Variants in MOBP observed in about 807,000 individuals in gnomAD.
MOBP encodes myelin associated oligodendrocyte basic protein, also known as myelin-associated oligodendrocyte basic protein.
In MOBP, 5 loss-of-function variants were observed where a neutral mutation model predicts 15.0. That is an observed-to-expected ratio of 0.33 (90% CI 0.17 to 0.70). The LOEUF is 0.70. Ranked by LOEUF, MOBP falls within the 30% of genes least tolerant of loss-of-function variation. MOBP has a pLI of 0.67. For missense variants in MOBP, 188 were observed against 257.8 expected, an observed-to-expected ratio of 0.73 and a Z score of 1.85; for synonymous variants, 88 against 99.0, an observed-to-expected ratio of 0.89 and a Z score of 0.66.
intron 1 of MOBP, among the ~76,000 whole-genome samples, chr3:39,470,959 A>G (rs565474039): frequency 7.9e-5 from 12 of 152,296 alleles, no homozygotes; most frequent in African/African-American, 2.6e-4. Flanking sequence ...AATAATTTTC[A>G]GTATACTGAG....
intron 4 of MOBP, among the ~76,000 whole-genome samples, chr3:39,509,071 C>T (rs1460452513): frequency 7.6e-6 from 1 of 131,494 alleles, no homozygotes; most frequent in East Asian, 2.2e-4. Flanking sequence ...CATACGTGCA[C>T]ATATGTGTGT....
downstream of MOBP, among the ~76,000 whole-genome samples, chr3:39,516,933 C>A (rs993904659): frequency 6.6e-6 from 1 of 152,158 alleles, no homozygotes; most frequent in Non-Finnish European, 1.5e-5. Flanking sequence ...TGCTCCCTGT[C>A]CATCTAGGCT....
At chr3:39,518,326 T>C (rs1191239640), downstream of MOBP, among the ~76,000 whole-genome samples, 1 of 152,070 alleles carries the variant, frequency 6.6e-6, no homozygotes, top group African/African-American at 2.4e-5. Context: ...GTTTCCTAAG[T>C]TTCTTCAGCA....
rs755537975 is a variant in MOBP at position 39,468,917 on chromosome 3, GTA to G, written c.-89+1184_-89+1185del. 4.4e-4 allele frequency among the ~76,000 whole-genome samples: 47 copies of G among 107,734 alleles called. 4 individuals carry two copies. Among genetic ancestry groups the G allele is most frequent in the Non-Finnish European group, 7.8e-4 (46 of 59,102 alleles). 70.7% of individuals were successfully genotyped at this position (107,734 alleles called of 152,430 possible). A position where few individuals can be genotyped will look rare whatever the true frequency, so the allele number is the denominator to read the frequency against. On this transcript the variant is annotated intron_variant, in intron 1 of 3. Transcript: ENST00000684792. The stretch of plus-strand genomic sequence containing the variant: ...TATATACATATATACATATGAGTGT[GTA>G]TATATACATATATACATTGTGTGTA...
chr3:39,481,469 C>G (rs2042627105), intron 2 of MOBP, among the ~76,000 whole-genome samples: 2 of 152,276 alleles, frequency 1.3e-5, no homozygotes, highest in African/African-American at 4.8e-5. Context: ...TAATTATTTC[C>G]TCTCTTTTTT....
intron 1 of MOBP, among the ~76,000 whole-genome samples, chr3:39,474,074 TTTTTTAGCTCTA>T (rs1452310495): frequency 1.3e-5 from 2 of 152,202 alleles, no homozygotes; most frequent in Non-Finnish European, 2.9e-5. Flanking sequence ...GCTAAATATG[TTTTTTAGCTCTA>T]TTTTTAGCTC....
downstream of MOBP, among the ~76,000 whole-genome samples, chr3:39,505,048 A>G (rs1170985129): frequency 1.3e-5 from 2 of 152,234 alleles, no homozygotes; most frequent in Non-Finnish European, 2.9e-5. Context: ...ACATGGTAGC[A>G]TTCATAATAT....
At chr3:39,478,909 A>G (rs1011873525) in intron 1 of MOBP, among the ~76,000 whole-genome samples, 5 of 151,364 alleles carry the variant, frequency 3.3e-5, no homozygotes, top group Non-Finnish European at 5.9e-5. Context: ...AGCTCACTGC[A>G]ACCCTCACCT....
downstream of MOBP, among the ~76,000 whole-genome samples, chr3:39,518,830 C>T (rs1214498882): frequency 6.6e-6 from 1 of 152,128 alleles, no homozygotes; most frequent in East Asian, 1.9e-4. Flanking sequence ...CCTTCTCTTC[C>T]AAGGTGGAAG....
Position 39,502,879 on chromosome 3 carries a change from A to C in MOBP, c.551A>C (p.Ter184SerextTer11). Residue 184 changes from the stop codon to serine (S), a stop_lost, in exon 4 of 4, where the codon TAA becomes TCA. Coordinates refer to ENST00000684792, the MANE Select transcript of MOBP (RefSeq NM_001393704.1). The surrounding 1 kb of genome is among the most constrained non-coding windows in gnomAD (Gnocchi z 6.3). ...GSPVKASRFW[*>S] ...CCCGTCAAAGCTTCTAGGTTCTGGT[A>C]ACACCATCTCTTCCCTTTTGTTCCC... 4 of 1,229,006 alleles carry C rather than the reference A, an allele frequency of 3.3e-6. No individual in the cohort carries two copies. Among genetic ancestry groups the C allele is most frequent in the Non-Finnish European group, 4.5e-6 (4 of 893,080 alleles). 76.1% of individuals were successfully genotyped at this position (1,229,006 alleles called of 1,614,324 possible). A position where few individuals can be genotyped will look rare whatever the true frequency, so the allele number is the denominator to read the frequency against.
chr3:39,479,117 C>T (rs535602741), intron 1 of MOBP, among the ~76,000 whole-genome samples: 17 of 152,204 alleles, frequency 1.1e-4, no homozygotes, highest in East Asian at 1.9e-4. Context: ...CCTGAGCCAC[C>T]GCGCACGGCC....
Position 39,468,765 on chromosome 3 carries a change from T to G in MOBP, c.-89+1025T>G, listed in dbSNP as rs538074103. On this transcript the variant is annotated intron_variant, in intron 1 of 3. Transcript: ENST00000684792. ...GTGTATATATACATATATACATGTGTGTGTATATATACATATATACATGTG... is the reference window on the plus strand; with the variant it reads ...GTGTATATATACATATATACATGTGGGTGTATATATACATATATACATGTG... Among the ~76,000 whole-genome samples, 11 of 136,268 alleles carry G rather than the reference T, an allele frequency of 8.1e-5. 3 individuals carry two copies. In the East Asian group the frequency reaches 2.2e-3, roughly 27 times the overall value. 89.4% of individuals were successfully genotyped at this position (136,268 alleles called of 152,430 possible). A position where few individuals can be genotyped will look rare whatever the true frequency, so the allele number is the denominator to read the frequency against.
In MOBP at chr3:39,489,691, G is replaced by T. The variant is rs56091481; in HGVS notation, c.-5+9568G>T. Among the ~76,000 whole-genome samples, 255 of 149,096 alleles carry T rather than the reference G, an allele frequency of 1.7e-3. 2 individuals are homozygous for T. The highest frequency in any genetic ancestry group is 6.0e-3 in the African/African-American group (240 of 39,906). ...GCAGGAGCTGGGTGTATTGTTCCCC[G>T]CCCAGCTCCTGTCCCAGCCCCTGGT... On this transcript the variant is annotated intron_variant, in intron 2 of 3. Coordinates refer to ENST00000684792, the MANE Select transcript of MOBP (RefSeq NM_001393704.1).
chr3:39,469,140 A>G (rs200289163), intron 1 of MOBP, among the ~76,000 whole-genome samples: 1 of 94,838 alleles, frequency 1.1e-5, no homozygotes, highest in Non-Finnish European at 1.9e-5. Context: ...GTGTGTGTAT[A>G]TACATATATA....
chr3:39,489,052 C>G (rs912950365), intron 2 of MOBP, among the ~76,000 whole-genome samples: 2 of 152,196 alleles, frequency 1.3e-5, no homozygotes, highest in Non-Finnish European at 2.9e-5. Context: ...CCTCAATGTT[C>G]CCCTCCCTCA....
At chr3:39,525,892 C>A (rs1002018835), downstream of MOBP, 2 of 152,272 alleles carry the variant, frequency 1.3e-5, no homozygotes, top group African/African-American at 2.4e-5. Context: ...GGAAATTTGA[C>A]TGCATGGAGT....
rs1034647755 is a variant in MOBP, at chr3:39,502,150, C to T, written c.81C>T (p.Cys27=). 3 of 1,614,130 alleles carry T rather than the reference C, an allele frequency of 1.9e-6. No homozygotes were observed. The highest frequency in any genetic ancestry group is 1.3e-5 in the African/African-American group (1 of 74,948). ...CCGAACACTTCAGCATACACTGCTG[C>T]CCGCCGTTCACCTTCCTCAATTCCA... The part of the protein sequence containing the change: ...KYSEHFSIHC[C]PPFTFLNSKK... Residue 27 remains cysteine (C), a synonymous_variant, in exon 3 of 4, where the codon TGC becomes TGT. Coordinates refer to ENST00000684792, the MANE Select transcript of MOBP (RefSeq NM_001393704.1). The surrounding 1 kb of genome is among the most constrained non-coding windows in gnomAD (Gnocchi z 6.3).
chr3:39,475,778 A>T (rs553509834), intron 1 of MOBP, among the ~76,000 whole-genome samples: 2 of 151,942 alleles, frequency 1.3e-5, no homozygotes, highest in Admixed American at 1.3e-4. Flanking sequence ...TGACATCACA[A>T]TTTTTTCCAG....
chr3:39,501,436 T>G (rs1423136985), intron 2 of MOBP, among the ~76,000 whole-genome samples: 2 of 152,222 alleles, frequency 1.3e-5, no homozygotes, highest in African/African-American at 2.4e-5. Context: ...AGCTCCCCTG[T>G]TGCCCCTTCT....
Sources: allele counts gnomAD v4.1 joint callset (sites outside exome capture counted in the v4.1 genomes callset), GRCh38; gene constraint gnomAD v4.1.1; non-coding constraint Gnocchi (gnomAD v3.1); transcripts MANE v1.5; gene names NCBI Gene and HGNC (gene_info 2026-07-23, HGNC 2026-07-21).